The following CDKL1 variants were observed in gnomAD, a reference collection of about 807,000 sequenced individuals.
CDKL1 encodes the protein cyclin dependent kinase like 1.
Under a neutral mutation model 42.0 loss-of-function variants are expected in CDKL1, and 41 were observed. The ratio of observed to expected loss-of-function variants is 0.98; its 90% CI spans 0.76 to 1.27. The LOEUF is 1.27. Ranked by LOEUF, CDKL1 falls within the 50% of genes most tolerant of loss-of-function variation. The pLI, the probability that CDKL1 is intolerant of heterozygous loss-of-function variation, is 0.00. For missense variants in CDKL1, 394 were observed against 428.4 expected (o/e 0.92, Z 0.71); for synonymous variants, 153 against 158.6 (o/e 0.96, Z 0.26).
intron 2 of CDKL1, among the ~76,000 whole-genome samples, chr14:50,392,489 A>AATAATAATAATAATG (rs138572340): frequency 4.6e-4 from 68 of 147,282 alleles, no homozygotes; most frequent in African/African-American, 5.0e-4. Flanking sequence ...TAATAATAAT[A>AATAATAATAATAATG]ATGAAAGAAC....
chr14:50,367,884 C>T (rs976578356), intron 2 of CDKL1, among the ~76,000 whole-genome samples: 1 of 152,178 alleles, frequency 6.6e-6, no homozygotes, highest in Non-Finnish European at 1.5e-5. Flanking sequence ...ACAAAAGTTT[C>T]CACTTTTGCT....
intron 2 of CDKL1, among the ~76,000 whole-genome samples, chr14:50,359,651 A>G (rs2034176317): frequency 6.6e-6 from 1 of 152,118 alleles, no homozygotes; most frequent in Non-Finnish European, 1.5e-5. Context: ...AATTCAATAG[A>G]ATATACGAAC....
At chr14:50,337,336 T>C (rs1349624461) in intron 7 of CDKL1, among the ~76,000 whole-genome samples, 6 of 151,718 alleles carry the variant, frequency 4.0e-5, no homozygotes, top group African/African-American at 1.5e-4. Flanking sequence ...GTCTTTTTTT[T>C]TTTTTTTTAA....
chr14:50,355,595 A>C (rs1325032402), intron 3 of CDKL1, among the ~76,000 whole-genome samples: 1 of 152,232 alleles, frequency 6.6e-6, no homozygotes, highest in Admixed American at 6.5e-5. Context: ...GTATGTACCA[A>C]GTGCCAAATA....
intron 2 of CDKL1, among the ~76,000 whole-genome samples, chr14:50,387,792 G>A (rs2035131039): frequency 6.6e-6 from 1 of 152,160 alleles, no homozygotes; most frequent in African/African-American, 2.4e-5. Flanking sequence ...ACCTCAACAA[G>A]CCAATTAAAC....
At chr14:50,332,593 C>T in intron 8 of CDKL1, 161 bp from the exon 9 acceptor site, 2 of 1,483,054 alleles carry the variant, frequency 1.3e-6, no homozygotes, top group Non-Finnish European at 1.8e-6. Flanking sequence ...CCAGTCATTC[C>T]TAAATGGCAC....
rs753145978 is a variant in CDKL1, at chr14:50,330,169, G to A, written c.979C>T (p.Pro327Ser). The A allele has an allele frequency of 7.5e-6, 12 of 1,604,968 alleles. No individual in the cohort carries two copies. Among genetic ancestry groups the A allele is most frequent in the Non-Finnish European group, 9.3e-6 (11 of 1,178,200 alleles). The change falls in exon 10 of 10, where the codon CCC becomes TCC. Residue 327 changes from proline (P) to serine (S), a missense_variant. Physicochemically the swap from Pro to Ser is moderately conservative, Grantham distance 74. Transcript: ENST00000395834. ...AGGATGCTGCTGCCAGTTAGCTGGG[G>A]TAGGTACTGCAACTAAAAATGCAAA... ...FTETSKLQYL[P>S]QLTGSSILPA...
intron 9 of CDKL1, 150 bp from the exon 10 acceptor site, chr14:50,330,331 T>C (rs1376573597): frequency 2.2e-6 from 2 of 925,212 alleles, no homozygotes; most frequent in Non-Finnish European, 3.0e-6. Flanking sequence ...GATTAAATGT[T>C]TCAATTTCGT....
intron 7 of CDKL1, among the ~76,000 whole-genome samples, chr14:50,335,295 CAAAA>C (rs55777134): frequency 0.029 from 1,559 of 54,276 alleles, 30 homozygotes; most frequent in East Asian, 0.2. Context: ...GACCCTGTCT[CAAAA>C]AAAAAAAAAA....
intron 2 of CDKL1, among the ~76,000 whole-genome samples, chr14:50,365,727 G>C (rs1216669208): frequency 1.3e-5 from 2 of 152,200 alleles, no homozygotes; most frequent in Admixed American, 1.3e-4. Context: ...TGCCAAAGGA[G>C]ATTAACATTT....
In CDKL1 at chr14:50,368,422, GT is replaced by G. The variant is rs988806222; in HGVS notation, c.169-9274del. Among the ~76,000 whole-genome samples, 14 of 151,766 alleles carry G rather than the reference GT, an allele frequency of 9.2e-5. 1 individual carries two copies. The highest frequency in any genetic ancestry group is 3.1e-4 in the African/African-American group (13 of 41,360). The stretch of plus-strand genomic sequence containing the variant: ...AGGTGCACACCATCATAACAAGCTA[GT>G]TTTTTTATTTTTAAAATTTTTTTAG... On this transcript the variant is annotated intron_variant, in intron 2 of 9. Coordinates refer to ENST00000395834, the MANE Select transcript of CDKL1 (RefSeq NM_004196.7).
chr14:50,344,996 TG>T lies in CDKL1; in HGVS notation c.352del (p.His118IlefsTer10). 6.2e-7 allele frequency: 1 copy of T among 1,613,962 alleles called. No individual in the cohort carries two copies. The highest frequency in any genetic ancestry group is 8.5e-7 in the Non-Finnish European group (1 of 1,179,858). The stretch of plus-strand genomic sequence containing the variant: ...GATCATGAGACTTACATTGTGTTTA[TG>T]GCAAAAATTTACAGCTTGCAGTGTC... ...WQTLQAVNFCHKHNCIHRDVK... is the reference protein window; with the variant it reads ...WQTLQAVNFCXKHNCIHRDVK... On this transcript the variant is annotated frameshift_variant, in exon 4 of 10. Transcript: ENST00000395834. LOFTEE classifies it high-confidence loss of function.
chr14:50,384,995 C>A lies in CDKL1; in HGVS notation c.168+10706G>T, dbSNP rs2139528430. 1.4e-5 allele frequency among the ~76,000 whole-genome samples: 2 copies of A among 144,146 alleles called. 1 individual carries two copies. The highest frequency in any genetic ancestry group is 4.4e-4 in the South Asian group (2 of 4,558). 94.6% of individuals were successfully genotyped at this position (144,146 alleles called of 152,430 possible). On this transcript the variant is annotated intron_variant, in intron 2 of 9. Coordinates refer to ENST00000395834, the MANE Select transcript of CDKL1 (RefSeq NM_004196.7). ...CTGACGCAGGAGAATTGCTTCAACC[C>A]AGGAGGTGGAGGTTGCAGTGAGCCA...
intron 2 of CDKL1, chr14:50,378,560 G>T: frequency 1.5e-6 from 1 of 668,562 alleles, no homozygotes; most frequent in Non-Finnish European, 2.2e-6. Flanking sequence ...TAGAGACAGG[G>T]TCATAATCTG....
chr14:50,343,511 T>C (rs2033625884), intron 4 of CDKL1, among the ~76,000 whole-genome samples: 1 of 152,234 alleles, frequency 6.6e-6, no homozygotes, highest in Admixed American at 6.5e-5. Context: ...AGATCTCTAT[T>C]CTTTTTACCA....
chr14:50,351,246 T>A (rs967388506), intron 3 of CDKL1, among the ~76,000 whole-genome samples: 3 of 143,362 alleles, frequency 2.1e-5, no homozygotes, highest in Non-Finnish European at 4.7e-5. Flanking sequence ...CACAGAGAAA[T>A]GCGGCAGGAA....
chr14:50,387,225 G>A (rs1403895594), intron 2 of CDKL1, among the ~76,000 whole-genome samples: 1 of 131,006 alleles, frequency 7.6e-6, no homozygotes, highest in East Asian at 2.4e-4. Flanking sequence ...AAAAAAAATG[G>A]GGGTGGGGGT....
chr14:50,367,942 T>A (rs890201199), intron 2 of CDKL1, among the ~76,000 whole-genome samples: 3 of 152,242 alleles, frequency 2.0e-5, no homozygotes, highest in Admixed American at 6.5e-5. Context: ...TTGTGTTTTT[T>A]AAAATTTTCA....
chr14:50,335,500 C>G, intron 7 of CDKL1: 1 of 1,536,064 alleles, frequency 6.5e-7, no homozygotes, highest in Non-Finnish European at 8.7e-7. Flanking sequence ...TCGTCAATCT[C>G]CTTTTGGCCG....
Sources: gnomAD v4.1 joint callset for allele counts (sites outside exome capture counted in the v4.1 genomes callset) on GRCh38, gnomAD v4.1.1 for gene constraint, MANE v1.5 for transcripts, NCBI Gene and HGNC (gene_info 2026-07-23, HGNC 2026-07-21) for gene names.